The following ASPG variants were observed in gnomAD, a reference collection of about 807,000 sequenced individuals.
The protein encoded by ASPG is 60 kDa lysophospholipase.
In ASPG, 53 loss-of-function variants were observed where a neutral mutation model predicts 63.2. The observed-to-expected ratio is 0.84, with a 90% CI of 0.67 to 1.05. The LOEUF is 1.05. ASPG is among the 50% of genes least tolerant of loss of function. The probability of loss-of-function intolerance (pLI) is 0.00; values close to 1 mark genes in which losing one functional copy is unlikely to be tolerated. For synonymous variants in ASPG, 370 were observed against 355.0 expected (o/e 1.04, Z -0.48); for missense variants, 741 against 794.4 (o/e 0.93, Z 0.81).
intron 12 of ASPG, chr14:104,108,275 C>A: frequency 3.5e-6 from 1 of 287,796 alleles, no homozygotes; most frequent in Non-Finnish European, 5.2e-6. Context: ...CTGTGAGGGT[C>A]CCCCCGAGCA....
At chr14:104,111,056 C>A (rs542645689) in intron 13 of ASPG, 2 of 985,332 alleles carry the variant, frequency 2.0e-6, no homozygotes, top group African/African-American at 3.5e-5. Context: ...TTGCGGACCC[C>A]GCCCCGGGAA....
chr14:104,090,528 G>A (rs555055379), intron 1 of ASPG, among the ~76,000 whole-genome samples: 16 of 152,378 alleles, frequency 1.1e-4, no homozygotes, highest in Admixed American at 8.5e-4. Flanking sequence ...GGTGCTGCAG[G>A]GCACCGCTCC....
intron 2 of ASPG, 175 bp downstream of exon 2, chr14:104,092,916 G>A (rs1381951776): frequency 6.6e-6 from 4 of 605,264 alleles, no homozygotes; most frequent in Non-Finnish European, 1.2e-5. Context: ...ACCAGAGCCT[G>A]AACCTCTGAG....
At position 104,104,603 on chromosome 14, in the gene ASPG, A is replaced by T; in HGVS notation, c.937-19A>T. 6.3e-7 allele frequency: 1 copy of T among 1,596,414 alleles called. No individual in the cohort carries two copies. Among genetic ancestry groups the T allele is most frequent in the Non-Finnish European group, 8.5e-7 (1 of 1,169,954 alleles). On this transcript the variant is annotated intron_variant, in intron 8 of 15. Coordinates refer to ENST00000551177, the MANE Select transcript of ASPG (RefSeq NM_001080464.3). ...CCGTGGTGAGTCGCCCTTCCTGCCC[A>T]CACGCCCCCTCCTCACAGGCCATGG...
intron 7 of ASPG, 140 bp downstream of exon 7, chr14:104,103,815 A>G (rs2036992247): frequency 1.5e-6 from 1 of 687,766 alleles, no homozygotes; most frequent in Non-Finnish European, 2.4e-6. Flanking sequence ...GTGTGGCCCC[A>G]CCAGCCCCAG....
chr14:104,088,731 C>CT (rs1446267147), intron 1 of ASPG, among the ~76,000 whole-genome samples: 1 of 152,164 alleles, frequency 6.6e-6, no homozygotes, highest in Non-Finnish European at 1.5e-5. Context: ...TGAATGGGTG[C>CT]TACACGTTCA....
In ASPG at chr14:104,111,741, G is replaced by A. The variant is rs190787944; in HGVS notation, c.1620+140G>A. ...GCCTGGCCCTCCCCATGCAGGACCC[G>A]CACAGACTGGGTCCCCTTCCCGGGG... On this transcript the variant is annotated intron_variant, in intron 14 of 15. Coordinates refer to ENST00000551177, the MANE Select transcript of ASPG (RefSeq NM_001080464.3). 1.3e-3 allele frequency: 1,132 copies of A among 887,148 alleles called. 8 individuals are homozygous for A. The African/African-American group carries it at 0.016, about 13-fold the overall frequency. 55.0% of individuals were successfully genotyped at this position (887,148 alleles called of 1,614,324 possible). A position where few individuals can be genotyped will look rare whatever the true frequency, so the allele number is the denominator to read the frequency against.
rs199859492 is a variant in ASPG, at chr14:104,092,619, G to A, written c.83-14G>A. The A allele has an allele frequency of 3.5e-3, 5,327 of 1,532,632 alleles. 13 individuals are homozygous for A. Among genetic ancestry groups the A allele is most frequent in the Non-Finnish European group, 4.3e-3 (4,934 of 1,144,922 alleles). The allele number at this position is 1,532,632 out of a possible 1,614,324, so 94.9% of individuals were successfully genotyped here. On this transcript the variant is annotated splice_polypyrimidine_tract_variant and intron_variant, in intron 1 of 15. Transcript: ENST00000551177. ...AGCCCCTGACCCCAGCATCCACCTG[G>A]ACTCTGCCTGCAGTGCTTGTGCCCG... is the stretch of plus-strand genomic sequence containing the variant.
At chr14:104,093,673 TGGTGTGTGGGTGGGGCTG>T in intron 3 of ASPG, 71 bp downstream of exon 3, 1 of 871,272 alleles carries the variant, frequency 1.1e-6, no homozygotes, top group Non-Finnish European at 1.5e-6. Context: ...GGTGGGGCTG[TGGTGTGTGGGTGGGGCTG>T]TGGAGAGTGG....
chr14:104,094,739 C>T (rs965818098), intron 3 of ASPG, among the ~76,000 whole-genome samples: 18 of 152,214 alleles, frequency 1.2e-4, no homozygotes, highest in African/African-American at 4.1e-4. Context: ...GCCCTGCGGT[C>T]CTTGCTGCAG....
Position 104,107,278 on chromosome 14 carries a change from A to G in ASPG, c.1366A>G (p.Arg456Gly), listed in dbSNP as rs2037175473. 1 of 1,609,094 alleles carries G rather than the reference A, an allele frequency of 6.2e-7. No individual in the cohort carries two copies. Among genetic ancestry groups the G allele is most frequent in the Non-Finnish European group, 8.5e-7 (1 of 1,177,702 alleles). ...AGAGGCAGTCACCATGCTGCTGCAG[A>G]GAGGTGTGGACGTGAACACCCGGGA... ...HTEAVTMLLQ[R>G]GVDVNTRDTD... Residue 456 changes from arginine to glycine, a missense_variant, in exon 12 of 16, where the codon AGA (arginine) becomes GGA (glycine). Transcript: ENST00000551177.
At chr14:104,108,871 C>T (rs2037263623) in intron 12 of ASPG, 1 of 985,304 alleles carries the variant, frequency 1.0e-6, no homozygotes, top group African/African-American at 1.7e-5. Flanking sequence ...ATGGGCTGTC[C>T]CCTTGGAATG....
chr14:104,111,398 G>T, intron 13 of ASPG, 104 bp from the exon 14 acceptor site: 1 of 1,140,330 alleles, frequency 8.8e-7, no homozygotes, highest in South Asian at 1.5e-5. Context: ...GCTGTTTGGG[G>T]CTGGCTTTGT....
Position 104,115,132 on chromosome 14 carries a change from C to T in ASPG, c.*2588C>T, listed in dbSNP as rs1228453809. 1 of 152,200 alleles carries T rather than the reference C, an allele frequency of 6.6e-6. No homozygotes were observed. Among genetic ancestry groups the T allele is most frequent in the Non-Finnish European group, 1.5e-5 (1 of 68,042 alleles). The allele number at this position is 152,200 out of a possible 1,614,324, so 9.4% of individuals were successfully genotyped here. On this transcript the variant is annotated 3_prime_UTR_variant, in exon 16 of 16. Transcript: ENST00000551177. Reference sequence around the variant, plus strand: ...CCATCACGACTACTGTCTTTTTCACCAGCATTTTCTATCCTAAAATCAGAC... The same window carrying T: ...CCATCACGACTACTGTCTTTTTCACTAGCATTTTCTATCCTAAAATCAGAC...
In ASPG at chr14:104,113,017, C is replaced by G; in HGVS notation, c.*473C>G. 1 of 225,402 alleles carries G rather than the reference C, an allele frequency of 4.4e-6. No homozygotes were observed. Among genetic ancestry groups the G allele is most frequent in the Non-Finnish European group, 8.9e-6 (1 of 112,082 alleles). 14.0% of individuals were successfully genotyped at this position (225,402 alleles called of 1,614,324 possible). On this transcript the variant is annotated 3_prime_UTR_variant, in exon 16 of 16. Transcript: ENST00000551177. ...CATTCTGGAGCTTGAAGTCCCCTCC[C>G]CCAGGCAGCCCTCCAACCCCTGGAT...
intron 6 of ASPG, among the ~76,000 whole-genome samples, chr14:104,099,730 CT>C (rs1386694777): frequency 6.6e-6 from 1 of 152,234 alleles, no homozygotes; most frequent in Non-Finnish European, 1.5e-5. Flanking sequence ...CATCCCCTCC[CT>C]CCTGGGAGAT....
chr14:104,092,823 G>T, intron 2 of ASPG, 82 bp downstream of exon 2: 1 of 1,182,862 alleles, frequency 8.5e-7, no homozygotes, highest in Non-Finnish European at 1.2e-6. Flanking sequence ...TGCTGGCCAG[G>T]CCCACGTGAG....
intron 4 of ASPG, 146 bp from the exon 5 acceptor site, chr14:104,097,408 T>A (rs1274808839): frequency 5.6e-6 from 4 of 718,846 alleles, no homozygotes; most frequent in Non-Finnish European, 8.8e-6. Context: ...GGCTGCCTGC[T>A]GCAGTCCAAG....
chr14:104,104,182 G>A (rs2037010422), intron 7 of ASPG, 122 bp from the exon 8 acceptor site: 1 of 1,141,086 alleles, frequency 8.8e-7, no homozygotes, highest in Non-Finnish European at 1.2e-6. Context: ...TGTCCCGGGA[G>A]CAGAGCAGGC....
Sources: gnomAD v4.1 joint callset for allele counts (sites outside exome capture counted in the v4.1 genomes callset) on GRCh38, gnomAD v4.1.1 for gene constraint, MANE v1.5 for transcripts, NCBI Gene and HGNC (gene_info 2026-07-23, HGNC 2026-07-21) for gene names.